The following USP15 variants were observed in gnomAD, a reference collection of about 807,000 sequenced individuals.
USP15 encodes the protein ubiquitin specific peptidase 15, also known as ubiquitin carboxyl-terminal hydrolase 15.
In USP15, 18 loss-of-function variants were observed where a neutral mutation model predicts 127.1. The observed-to-expected ratio is 0.14, with a 90% CI of 0.10 to 0.21. The LOEUF is 0.21. Among genes scored for constraint, USP15 ranks in the 10% least tolerant of loss-of-function variants. The pLI is 1.00. For missense variants in USP15, 805 were observed against 1,159.9 expected, an observed-to-expected ratio of 0.69 and a Z score of 4.44; for synonymous variants, 364 against 393.7, an observed-to-expected ratio of 0.92 and a Z score of 0.89.
At chr12:62,263,225 G>T (rs529468732) in intron 1 of USP15, among the ~76,000 whole-genome samples, 1 of 152,070 alleles carries the variant, frequency 6.6e-6, no homozygotes, top group South Asian at 2.1e-4. Context: ...TTTGAAATTT[G>T]CCCTGTGGAA....
intron 1 of USP15, among the ~76,000 whole-genome samples, chr12:62,269,920 ATTGCTAGG>A (rs1267247967): frequency 6.6e-6 from 1 of 152,126 alleles, no homozygotes; most frequent in Admixed American, 6.6e-5. Flanking sequence ...TGTAAGTGGA[ATTGCTAGG>A]TCCCTGTTTA....
chr12:62,361,386 T>A (rs1257247004), intron 8 of USP15, among the ~76,000 whole-genome samples: 1 of 152,032 alleles, frequency 6.6e-6, no homozygotes. Context: ...TGTCCCTAAT[T>A]CTGTAGTAGG....
intron 8 of USP15, among the ~76,000 whole-genome samples, chr12:62,366,838 G>A (rs1198412720): frequency 6.6e-6 from 1 of 152,102 alleles, no homozygotes; most frequent in Non-Finnish European, 1.5e-5. Context: ...TTCTGTTTAC[G>A]TGATGGATTA....
chr12:62,265,141 C>T (rs1201392258), intron 1 of USP15, among the ~76,000 whole-genome samples: 2 of 152,130 alleles, frequency 1.3e-5, no homozygotes, highest in African/African-American at 2.4e-5. Context: ...TCAATGATTT[C>T]GTTTATCTGT....
rs2067846434 is a variant in USP15, at chr12:62,405,761, C to G, written c.*1386C>G. On this transcript the variant is annotated 3_prime_UTR_variant, in exon 22 of 22. Coordinates refer to ENST00000280377, the MANE Select transcript of USP15 (RefSeq NM_001252078.2). ...TATAATGTTCTTCACTTGAACTAAT[C>G]AAATACAATAGATTATAAATTGTGT... 1 of 152,460 alleles carries G rather than the reference C, an allele frequency of 6.6e-6. No individual in the cohort carries two copies. The highest frequency in any genetic ancestry group is 2.4e-5 in the African/African-American group (1 of 41,392). 9.4% of individuals were successfully genotyped at this position (152,460 alleles called of 1,614,324 possible). A position where few individuals can be genotyped will look rare whatever the true frequency, so the allele number is the denominator to read the frequency against.
chr12:62,379,233 A>T (rs1287315828), intron 8 of USP15, among the ~76,000 whole-genome samples: 1 of 151,570 alleles, frequency 6.6e-6, no homozygotes, highest in Non-Finnish European at 1.5e-5. Flanking sequence ...TTCCAAGTAG[A>T]TGAAGTAATG....
Position 62,294,275 on chromosome 12 carries a change from T to C in USP15, c.186T>C (p.Pro62=). 2 of 1,612,986 alleles carry C rather than the reference T, an allele frequency of 1.2e-6. No individual in the cohort carries two copies. Among genetic ancestry groups the C allele is most frequent in the Non-Finnish European group, 1.7e-6 (2 of 1,179,600 alleles). The change falls in exon 2 of 22, where the codon CCT becomes CCC. Residue 62 remains proline (P), a synonymous_variant. Transcript: ENST00000280377. ...AGATGGGAGATCAAAATGTGTATCC[T>C]GGACCCATTGATAACTCTGGACTTC... is the stretch of plus-strand genomic sequence containing the variant. The part of the protein sequence containing the change: ...KYQMGDQNVY[P]GPIDNSGLLK...
chr12:62,354,771 C>T (rs2066067816), intron 7 of USP15, among the ~76,000 whole-genome samples: 1 of 151,918 alleles, frequency 6.6e-6, no homozygotes, highest in East Asian at 1.9e-4. Context: ...CCTGTTCACC[C>T]AGGCTTTTTT....
intron 1 of USP15, among the ~76,000 whole-genome samples, chr12:62,263,540 T>TGATTTTCTA (rs1447130871): frequency 2.6e-5 from 4 of 152,244 alleles, no homozygotes; most frequent in African/African-American, 4.8e-5. Context: ...ATCTAAAAAC[T>TGATTTTCTA]GATTTTCTAG....
chr12:62,292,640 G>T (rs2064006756), intron 1 of USP15, among the ~76,000 whole-genome samples: 2 of 152,164 alleles, frequency 1.3e-5, no homozygotes, highest in Admixed American at 1.3e-4. Context: ...AGTGGTACAG[G>T]ACCTTACTCC....
Position 62,409,339 on chromosome 12 carries a change from A to T in USP15, c.*4964A>T, listed in dbSNP as rs1461780270. On this transcript the variant is annotated 3_prime_UTR_variant, in exon 22 of 22. Transcript: ENST00000280377. ...CTACAGTCTCAAAGGACAGAGAGAA[A>T]ATCAGTCAAATGGGTTTTGATATTT... 1 of 152,158 alleles carries T rather than the reference A, an allele frequency of 6.6e-6. No homozygotes were observed. The highest frequency in any genetic ancestry group is 1.5e-5 in the Non-Finnish European group (1 of 68,006). 9.4% of individuals were successfully genotyped at this position (152,158 alleles called of 1,614,324 possible).
intron 4 of USP15, among the ~76,000 whole-genome samples, chr12:62,318,935 T>G (rs1178095088): frequency 6.6e-6 from 1 of 152,174 alleles, no homozygotes; most frequent in African/African-American, 2.4e-5. Context: ...TAACACTGCT[T>G]CCATTGCTAC....
At chr12:62,266,450 AT>A (rs1423434516) in intron 1 of USP15, among the ~76,000 whole-genome samples, 1 of 152,194 alleles carries the variant, frequency 6.6e-6, no homozygotes, top group East Asian at 1.9e-4. Context: ...CTCTTAAAGA[AT>A]TTTTGAAGTG....
At chr12:62,354,169 C>T (rs1160918330) in intron 7 of USP15, among the ~76,000 whole-genome samples, 1 of 150,688 alleles carries the variant, frequency 6.6e-6, no homozygotes. Flanking sequence ...TTACTAAAGA[C>T]TTTCTTAGAA....
intron 3 of USP15, among the ~76,000 whole-genome samples, chr12:62,304,444 TA>T (rs1340489148): frequency 4.6e-5 from 7 of 152,192 alleles, no homozygotes. Flanking sequence ...TAATCACACT[TA>T]AATTTGGGAA....
intron 6 of USP15, among the ~76,000 whole-genome samples, chr12:62,338,591 A>G (rs1336885288): frequency 6.6e-6 from 1 of 152,058 alleles, no homozygotes; most frequent in East Asian, 1.9e-4. Context: ...GTTTTCTTCT[A>G]GGTTTTTATG....
Position 62,305,377 on chromosome 12 carries a change from A to G in USP15, c.348+2457A>G, listed in dbSNP as rs2064452937. ...TCTCAAGAGAAACCATGGAAGCCAGAAAACAATGGACTTTGATATGTTAAA... is the reference window on the plus strand; with the variant it reads ...TCTCAAGAGAAACCATGGAAGCCAGGAAACAATGGACTTTGATATGTTAAA... On this transcript the variant is annotated intron_variant, in intron 3 of 21. Coordinates refer to ENST00000280377, the MANE Select transcript of USP15 (RefSeq NM_001252078.2). Among the ~76,000 whole-genome samples the G allele has an allele frequency of 1.3e-5, 2 of 152,178 alleles. 1 individual carries two copies. The highest frequency in any genetic ancestry group is 1.3e-4 in the Admixed American group (2 of 15,264).
chr12:62,413,464 A>G lies in USP15; in HGVS notation c.*9089A>G, dbSNP rs747955403. Reference sequence around the variant, plus strand: ...TTGAAAGTTTGTTTTTAGTGTAACTACCTTCATCAATGATCTTAGCTAGAT... The same window carrying G: ...TTGAAAGTTTGTTTTTAGTGTAACTGCCTTCATCAATGATCTTAGCTAGAT... On this transcript the variant is annotated 3_prime_UTR_variant, in exon 22 of 22. Transcript: ENST00000280377. 6.6e-6 allele frequency: 1 copy of G among 152,176 alleles called. No individual in the cohort carries two copies. 9.4% of individuals were successfully genotyped at this position (152,176 alleles called of 1,614,324 possible). A position where few individuals can be genotyped will look rare whatever the true frequency, so the allele number is the denominator to read the frequency against.
chr12:62,360,482 T>TC (rs2066281074), intron 8 of USP15, among the ~76,000 whole-genome samples: 1 of 152,224 alleles, frequency 6.6e-6, no homozygotes, highest in South Asian at 2.1e-4. Context: ...AGATAGATCT[T>TC]CATTACATTG....
Sources: gnomAD v4.1 joint callset for allele counts (sites outside exome capture counted in the v4.1 genomes callset) on GRCh38, gnomAD v4.1.1 for gene constraint, MANE v1.5 for transcripts, NCBI Gene and HGNC (gene_info 2026-07-23, HGNC 2026-07-21) for gene names.